TMPRSS11F: variants seen among roughly 807,000 people sequenced by gnomAD.
TMPRSS11F encodes the protein transmembrane serine protease 11F.
In TMPRSS11F, 47 loss-of-function variants were observed where a neutral mutation model predicts 60.2. That is an observed-to-expected ratio of 0.78 (90% CI 0.62 to 1.00). The LOEUF (loss-of-function observed/expected upper bound fraction) is 1.00, where lower values mean the gene tolerates loss of function less well. Ranked by LOEUF, TMPRSS11F falls within the 50% of genes least tolerant of loss-of-function variation. The pLI, the probability that TMPRSS11F is intolerant of heterozygous loss-of-function variation, is 0.00. For synonymous variants in TMPRSS11F, 166 were observed against 167.3 expected (o/e 0.99, Z 0.06); for missense variants, 519 against 522.9 (o/e 0.99, Z 0.07).
intron 8 of TMPRSS11F, chr4:68,062,284 T>C (rs1723199989): frequency 2.3e-6 from 1 of 429,432 alleles, no homozygotes; most frequent in Non-Finnish European, 4.5e-6. Flanking sequence ...CAAAAACATC[T>C]TATTAAATTT....
chr4:68,057,749 A>G (rs1723076512), intron 9 of TMPRSS11F, among the ~76,000 whole-genome samples: 1 of 152,242 alleles, frequency 6.6e-6, no homozygotes, highest in Non-Finnish European at 1.5e-5. Context: ...CATCACATTC[A>G]TGAAAAAAAT....
At chr4:68,101,456 CA>C (rs1724187863) in intron 1 of TMPRSS11F, among the ~76,000 whole-genome samples, 1 of 73,268 alleles carries the variant, frequency 1.4e-5, no homozygotes, top group Non-Finnish European at 2.8e-5. Flanking sequence ...ATAAATAAAA[CA>C]AAATATATTA....
chr4:68,071,378 C>T (rs980084779), intron 5 of TMPRSS11F, among the ~76,000 whole-genome samples: 3 of 152,152 alleles, frequency 2.0e-5, no homozygotes, highest in Non-Finnish European at 4.4e-5. Flanking sequence ...AAATGCATGA[C>T]TATTGGGAAG....
chr4:68,059,613 T>G, intron 8 of TMPRSS11F, 145 bp from the exon 9 acceptor site: 1 of 803,944 alleles, frequency 1.2e-6, no homozygotes, highest in Non-Finnish European at 1.9e-6. Flanking sequence ...GTCATAAATG[T>G]CTACATGCAA....
At chr4:68,056,834 A>G (rs147616297) in intron 9 of TMPRSS11F, among the ~76,000 whole-genome samples, 172 of 152,320 alleles carry the variant, frequency 1.1e-3, no homozygotes, top group African/African-American at 3.5e-3. Context: ...TGGCATAATA[A>G]CAGATTCATC....
intron 1 of TMPRSS11F, among the ~76,000 whole-genome samples, chr4:68,122,047 T>C (rs1724634833): frequency 6.6e-6 from 1 of 152,228 alleles, no homozygotes; most frequent in Non-Finnish European, 1.5e-5. Context: ...TTTGAATATT[T>C]GAGTATGTAT....
At chr4:68,070,082 A>G in intron 5 of TMPRSS11F, 75 bp from the exon 6 acceptor site, 1 of 1,224,838 alleles carries the variant, frequency 8.2e-7, no homozygotes, top group Non-Finnish European at 1.2e-6. Flanking sequence ...TCAACTGGTC[A>G]TTAATAGAAA....
At chr4:68,102,554 A>AT (rs1038216151) in intron 1 of TMPRSS11F, among the ~76,000 whole-genome samples, 46 of 152,006 alleles carry the variant, frequency 3.0e-4, no homozygotes, top group Admixed American at 2.9e-3. Context: ...TTTAATTTAC[A>AT]TTTTTTTGAT....
At chr4:68,094,302 G>A (rs9683449) in intron 2 of TMPRSS11F, among the ~76,000 whole-genome samples, 117,847 of 124,264 alleles carry the variant, frequency 0.95, 56,275 homozygotes, top group East Asian at 1. Flanking sequence ...CGCAAGAACA[G>A]AAAACCAGAC....
At chr4:68,072,509 A>C (rs953205811) in intron 4 of TMPRSS11F, 23 bp from the exon 5 acceptor site, 67 of 1,455,762 alleles carry the variant, frequency 4.6e-5, no homozygotes, top group Non-Finnish European at 5.9e-5. Flanking sequence ...AAAGCAGATA[A>C]AAATGGCATT....
At chr4:68,063,473 G>T (rs6552143) in intron 8 of TMPRSS11F, among the ~76,000 whole-genome samples, 145,240 of 152,170 alleles carry the variant, frequency 0.95, 69,700 homozygotes, top group East Asian at 1. Flanking sequence ...ACCTCCCAGA[G>T]TCAAGCAATT....
intron 9 of TMPRSS11F, among the ~76,000 whole-genome samples, chr4:68,055,650 G>A (rs368919765): frequency 3.3e-5 from 5 of 152,224 alleles, no homozygotes; most frequent in African/African-American, 1.2e-4. Flanking sequence ...AGCATCTAAA[G>A]AAGAAATAAT....
chr4:68,076,656 T>C (rs557852223), intron 3 of TMPRSS11F, among the ~76,000 whole-genome samples: 4 of 151,986 alleles, frequency 2.6e-5, no homozygotes, highest in Non-Finnish European at 5.9e-5. Flanking sequence ...CAGACCAGAG[T>C]CCTATTATCC....
rs1362726230 is a variant in TMPRSS11F, at chr4:68,083,939, G to A, written c.282+6584C>T. 2.6e-5 allele frequency among the ~76,000 whole-genome samples: 4 copies of A among 152,132 alleles called. No homozygotes were observed. In the East Asian group the frequency reaches 7.7e-4, roughly 29 times the overall value. Reference sequence around the variant, plus strand: ...TCCAATCCAATGAGTCCAGTAATATGATCCAAGAGGTGAAAGATGACATAG... The same window carrying A: ...TCCAATCCAATGAGTCCAGTAATATAATCCAAGAGGTGAAAGATGACATAG... On this transcript the variant is annotated intron_variant, in intron 3 of 9. Transcript: ENST00000356291.
chr4:68,121,092 C>A (rs1028209999), intron 1 of TMPRSS11F, among the ~76,000 whole-genome samples: 9 of 152,212 alleles, frequency 5.9e-5, no homozygotes, highest in African/African-American at 1.9e-4. Context: ...TCTCACCTCC[C>A]CTTCTATATG....
chr4:68,127,480 G>C (rs1484010708), intron 1 of TMPRSS11F, among the ~76,000 whole-genome samples: 2 of 151,518 alleles, frequency 1.3e-5, no homozygotes, highest in African/African-American at 2.4e-5. Context: ...CAAATACAGG[G>C]ACCCATGAAA....
intron 3 of TMPRSS11F, among the ~76,000 whole-genome samples, chr4:68,074,951 C>T (rs1723553243): frequency 6.6e-6 from 1 of 151,978 alleles, no homozygotes; most frequent in Admixed American, 6.6e-5. Context: ...CAAAAATCAG[C>T]CAGAGTCATA....
At chr4:68,094,595 T>TAAAG (rs1724033883) in intron 2 of TMPRSS11F, among the ~76,000 whole-genome samples, 2 of 151,010 alleles carry the variant, frequency 1.3e-5, no homozygotes, top group Admixed American at 6.6e-5. Flanking sequence ...AATAAATAAA[T>TAAAG]AAAATCAAGG....
chr4:68,090,752 C>T lies in TMPRSS11F; in HGVS notation c.164-111G>A, dbSNP rs1041489221. 9 of 1,454,884 alleles carry T rather than the reference C, an allele frequency of 6.2e-6. No individual in the cohort carries two copies. The African/African-American group carries it at 1.3e-4, about 21-fold the overall frequency. The allele number at this position is 1,454,884 out of a possible 1,614,324, so 90.1% of individuals were successfully genotyped here. ...GCTACAATAATGCAGTTTATTTCTACTTAGTGTAAAAATTCTTGAAGACAC... is the reference window on the plus strand; with the variant it reads ...GCTACAATAATGCAGTTTATTTCTATTTAGTGTAAAAATTCTTGAAGACAC... On this transcript the variant is annotated intron_variant, in intron 2 of 9. Transcript: ENST00000356291.
Sources: gnomAD v4.1 joint callset for allele counts (sites outside exome capture counted in the v4.1 genomes callset) on GRCh38, gnomAD v4.1.1 for gene constraint, MANE v1.5 for transcripts, NCBI Gene and HGNC (gene_info 2026-07-23, HGNC 2026-07-21) for gene names.